Variants in PTBP1 observed in about 807,000 individuals in gnomAD.
PTBP1 encodes the protein polypyrimidine tract binding protein 1.
Under a neutral mutation model 59.8 loss-of-function variants are expected in PTBP1, and 8 were observed. That is an observed-to-expected ratio of 0.13 (90% CI 0.08 to 0.24). The LOEUF (loss-of-function observed/expected upper bound fraction) is 0.24, where lower values mean the gene tolerates loss of function less well. Among genes scored for constraint, PTBP1 ranks in the 10% least tolerant of loss-of-function variants. The pLI, the probability that PTBP1 is intolerant of heterozygous loss-of-function variation, is 1.00. For missense variants in PTBP1, 686 were observed against 767.0 expected, an observed-to-expected ratio of 0.89 and a Z score of 1.25; for synonymous variants, 490 against 320.7, an observed-to-expected ratio of 1.53 and a Z score of -5.64.
intron 2 of PTBP1, among the ~76,000 whole-genome samples, chr19:800,981 G>A (rs918378782): frequency 2.6e-5 from 4 of 152,148 alleles, no homozygotes; most frequent in African/African-American, 7.2e-5. Context: ...CCTGGTAGGA[G>A]GACGGGGTAG....
chr19:808,822 T>C lies in PTBP1; in HGVS notation c.1463+60T>C. 6.7e-7 allele frequency: 1 copy of C among 1,496,266 alleles called. No homozygotes were observed. The highest frequency in any genetic ancestry group is 9.1e-7 in the Non-Finnish European group (1 of 1,094,836). 92.7% of individuals were successfully genotyped at this position (1,496,266 alleles called of 1,614,324 possible). A position where few individuals can be genotyped will look rare whatever the true frequency, so the allele number is the denominator to read the frequency against. ...GGCGGGCAAGGGCTCTGCTTGGCTG[T>C]CCTACCGCGTCGGTGTGTGGACTTC... On this transcript the variant is annotated intron_variant, in intron 13 of 14. Coordinates refer to ENST00000356948, the MANE Select transcript of PTBP1 (RefSeq NM_002819.5). The surrounding 1 kb of genome is among the most constrained non-coding windows in gnomAD (Gnocchi z 4.7).
At position 806,508 on chromosome 19, in the gene PTBP1, G is replaced by C; in HGVS notation, c.1071G>C (p.Leu357=). 6.4e-7 allele frequency: 1 copy of C among 1,568,772 alleles called. No individual in the cohort carries two copies. The highest frequency in any genetic ancestry group is 1.2e-5 in the South Asian group (1 of 86,608). The change falls in exon 10 of 15, where the codon CTG becomes CTC. Residue 357 remains leucine (L), a synonymous_variant. Transcript: ENST00000356948. ...CAGGTCGGATCGCCATCCCGGGCCT[G>C]GCGGGGGCAGGAAATTCTGTATTGC... ...AAAGRIAIPG[L]AGAGNSVLLV...
At chr19:798,076 GTC>G (rs1161994501) in intron 1 of PTBP1, among the ~76,000 whole-genome samples, 4 of 151,658 alleles carry the variant, frequency 2.6e-5, no homozygotes, top group Admixed American at 2.0e-4. Flanking sequence ...GCGGGCCCGA[GTC>G]TCTGCGCTCC....
chr19:806,663 GCCTCTGCCCTGGCAGCC>G, intron 10 of PTBP1, 107 bp downstream of exon 10: 1 of 1,150,344 alleles, frequency 8.7e-7, no homozygotes. Context: ...CTGTGTCTGC[GCCTCTGCCCTGGCAGCC>G]CCTCTGCTGC....
chr19:806,370 G>A (rs200610582), intron 9 of PTBP1, 38 bp from the exon 10 acceptor site: 1,110 of 1,569,694 alleles, frequency 7.1e-4, no homozygotes, highest in Non-Finnish European at 8.7e-4. Flanking sequence ...CGGTGGAGTC[G>A]GGGGCGCCGC....
At chr19:803,912 C>A in intron 3 of PTBP1, 124 bp from the exon 4 acceptor site, 2 of 1,179,854 alleles carry the variant, frequency 1.7e-6, no homozygotes, top group Non-Finnish European at 2.4e-6. Context: ...TGCTGGTTCA[C>A]ATGCACCCTC....
Position 803,900 on chromosome 19 carries a change from G to A in PTBP1, c.116-136G>A, listed in dbSNP as rs1026260051. 7 of 1,056,942 alleles carry A rather than the reference G, an allele frequency of 6.6e-6. No homozygotes were observed. In the East Asian group the frequency reaches 7.4e-5, roughly 11 times the overall value. 65.5% of individuals were successfully genotyped at this position (1,056,942 alleles called of 1,614,324 possible). On this transcript the variant is annotated intron_variant, in intron 3 of 14. Coordinates refer to ENST00000356948, the MANE Select transcript of PTBP1 (RefSeq NM_002819.5). ...GACTGTGCAGGTCTTGGCCTCTCGC[G>A]CTGCTGGTTCACATGCACCCTCCTG...
chr19:799,246 C>T lies in PTBP1; in HGVS notation c.9-167C>T, dbSNP rs769072417. ...TTGCAGTCAAGTGGACGGCTCACTT[C>T]CCTGCCCTTCTGAGCTTTCTCTAGC... On this transcript the variant is annotated intron_variant, in intron 1 of 14. Coordinates refer to ENST00000356948, the MANE Select transcript of PTBP1 (RefSeq NM_002819.5). 162 of 759,290 alleles carry T rather than the reference C, an allele frequency of 2.1e-4. 1 individual carries two copies. The highest frequency in any genetic ancestry group is 3.4e-4 in the Non-Finnish European group (143 of 417,328). The allele number at this position is 759,290 out of a possible 1,614,324, so 47.0% of individuals were successfully genotyped here.
At chr19:799,557 G>A in intron 2 of PTBP1, 114 bp downstream of exon 2, 1 of 1,019,222 alleles carries the variant, frequency 9.8e-7, no homozygotes, top group Non-Finnish European at 1.6e-6. Flanking sequence ...ATTCCTAAGG[G>A]GCACTACCCT....
chr19:802,539 G>C (rs1050241693), intron 2 of PTBP1, among the ~76,000 whole-genome samples: 16 of 152,178 alleles, frequency 1.1e-4, no homozygotes, highest in South Asian at 2.1e-4. Context: ...CAGGCTCTTG[G>C]CCTCAATCCT....
At position 804,699 on chromosome 19, in the gene PTBP1, C is replaced by T. The variant is rs189076650; in HGVS notation, c.603C>T (p.His201=). ...ACCCTGTGACCCTGGATGTGCTGCA[C>T]CAGGTGAGGTGGTCCCATCACCGCC... The part of the protein sequence containing the change: ...LFYPVTLDVL[H]QIFSKFGTVL... Residue 201 remains histidine (H), a synonymous_variant, in exon 6 of 15, where the codon CAC becomes CAT. Coordinates refer to ENST00000356948, the MANE Select transcript of PTBP1 (RefSeq NM_002819.5). 6.2e-7 allele frequency: 1 copy of T among 1,611,602 alleles called. No homozygotes were observed. The highest frequency in any genetic ancestry group is 2.2e-5 in the East Asian group (1 of 44,810).
At chr19:797,763 G>C (rs1291400174) in intron 1 of PTBP1, among the ~76,000 whole-genome samples, 1 of 140,792 alleles carries the variant, frequency 7.1e-6, no homozygotes, top group Non-Finnish European at 1.6e-5. Flanking sequence ...GCGGCCTCCC[G>C]CGCCCCTCCC....
chr19:810,458 AACT>A, intron 13 of PTBP1, 82 bp from the exon 14 acceptor site: 1 of 1,196,794 alleles, frequency 8.4e-7, no homozygotes, highest in Non-Finnish European at 1.2e-6. Flanking sequence ...CTACTCTGAA[AACT>A]AGTCTGGGGA....
At chr19:803,974 G>A in intron 3 of PTBP1, 62 bp from the exon 4 acceptor site, 2 of 1,595,452 alleles carry the variant, frequency 1.3e-6, no homozygotes, top group Non-Finnish European at 1.7e-6. Flanking sequence ...GGGGATAGCA[G>A]GGACCTTCCT....
rs1209240866 is a variant in PTBP1, at chr19:810,950, A to G, written c.*124A>G. Reference sequence around the variant, plus strand: ...GATTTTATTTTTTTAAAGAGAAATCAGTTTACCTGTTTTTAAAAAAATTAA... The same window carrying G: ...GATTTTATTTTTTTAAAGAGAAATCGGTTTACCTGTTTTTAAAAAAATTAA... On this transcript the variant is annotated 3_prime_UTR_variant, in exon 15 of 15. Coordinates refer to ENST00000356948, the MANE Select transcript of PTBP1 (RefSeq NM_002819.5). The G allele has an allele frequency of 2.8e-6, 3 of 1,061,294 alleles. No individual in the cohort carries two copies. The African/African-American group carries it at 5.0e-5, about 18-fold the overall frequency. The allele number at this position is 1,061,294 out of a possible 1,614,324, so 65.7% of individuals were successfully genotyped here.
In PTBP1 at chr19:803,661, C is replaced by T. The variant is rs2034435579; in HGVS notation, c.115+25C>T. On this transcript the variant is annotated intron_variant, in intron 3 of 14. Transcript: ENST00000356948. ...GGTAAGGCCGGGACTCGGCCCAGGG[C>T]AAGACCCGTGGGTGTCTTTCCCTGG... The T allele has an allele frequency of 1.3e-6, 2 of 1,597,056 alleles. 1 individual carries two copies. Among genetic ancestry groups the T allele is most frequent in the South Asian group, 2.2e-5 (2 of 90,638 alleles).
chr19:809,862 C>CCAG (rs914442244), intron 13 of PTBP1, among the ~76,000 whole-genome samples: 1 of 152,174 alleles, frequency 6.6e-6, no homozygotes, highest in African/African-American at 2.4e-5. Flanking sequence ...GATTGCACTG[C>CCAG]CAGACTCCAG....
chr19:797,751 A>T (rs1443247125), intron 1 of PTBP1, among the ~76,000 whole-genome samples: 2 of 139,374 alleles, frequency 1.4e-5, no homozygotes, highest in Admixed American at 7.0e-5. Flanking sequence ...TCCCTAGCGC[A>T]CGCGGCCTCC....
chr19:808,406 G>C lies in PTBP1; in HGVS notation c.1200G>C (p.Lys400Asn). ...GCGTGAAGATCCTGTTCAATAAGAA[G>C]GAGAACGCCCTAGTGCAGATGGCGG... ...VQRVKILFNKKENALVQMADG... is the reference protein window; with the variant it reads ...VQRVKILFNKNENALVQMADG... The change falls in exon 12 of 15, where the codon AAG becomes AAC. Residue 400 changes from lysine (K) to asparagine (N), a missense_variant. Lys to Asn is a moderately conservative substitution (Grantham distance 94, BLOSUM62 0). Transcript: ENST00000356948. The surrounding 1 kb of genome is among the most constrained non-coding windows in gnomAD (Gnocchi z 4.7). The C allele has an allele frequency of 6.2e-7, 1 of 1,607,564 alleles. No individual in the cohort carries two copies. Among genetic ancestry groups the C allele is most frequent in the Non-Finnish European group, 8.5e-7 (1 of 1,178,174 alleles).
Sources: gnomAD v4.1 joint callset for allele counts (sites outside exome capture counted in the v4.1 genomes callset) on GRCh38, gnomAD v4.1.1 for gene constraint, Gnocchi (gnomAD v3.1) non-coding constraint, MANE v1.5 for transcripts, NCBI Gene and HGNC (gene_info 2026-07-23, HGNC 2026-07-21) for gene names.